The following XIST variants were observed in gnomAD, a reference collection of about 807,000 sequenced individuals.
The protein encoded by XIST is X inactive specific transcript (non-protein coding).
chrX:73,852,514 TA>T (rs1297714272), exon 1 of XIST: 1 of 538,991 alleles, frequency 1.9e-6, no homozygotes, highest in Non-Finnish European at 3.3e-6. Context: ...ATACTTTCTT[TA>T]AAAAAATATG....
intron 5 of XIST, chrX:73,828,259 G>T (rs1297366892): frequency 3.6e-6 from 1 of 280,088 alleles, no homozygotes; most frequent in Non-Finnish European, 6.2e-6. Flanking sequence ...TGCCAACTCT[G>T]CCTGCTACCT....
At chrX:73,841,687 T>TA (rs1480487424) in exon 1 of XIST, 2 of 524,675 alleles carry the variant, frequency 3.8e-6, no homozygotes, top group South Asian at 4.8e-5. Flanking sequence ...ATTTTTCTTA[T>TA]AAAATAGGGA....
chrX:73,842,137 C>T (rs867444479), exon 1 of XIST: 8 of 518,434 alleles, frequency 1.5e-5, no homozygotes, highest in South Asian at 9.9e-5. Context: ...ACCAGGTTAT[C>T]GAGTCCACCC....
exon 1 of XIST, chrX:73,852,400 A>G: frequency 1.8e-6 from 1 of 548,084 alleles, no homozygotes; most frequent in South Asian, 2.4e-5. Flanking sequence ...TAGAAAAGAG[A>G]GTGGAAGAGT....
chrX:73,829,278 G>A, intron 4 of XIST: 1 of 528,338 alleles, frequency 1.9e-6, no homozygotes, highest in Non-Finnish European at 3.4e-6. Context: ...TAAATATTGA[G>A]TACTGTGCTA....
chrX:73,821,550 A>G (rs1473835136), exon 6 of XIST: 4 of 557,028 alleles, frequency 7.2e-6, no homozygotes, highest in Non-Finnish European at 1.3e-5. Flanking sequence ...CCTCATCTCA[A>G]CAATGATCAG....
chrX:73,838,358 C>T (rs1479267418), intron 1 of XIST, among the ~76,000 whole-genome samples: 2 of 110,657 alleles, frequency 1.8e-5, no homozygotes, highest in Non-Finnish European at 3.8e-5. Context: ...ACTGCATAAC[C>T]TCTCATGTTT....
chrX:73,844,776 G>A (rs1922691133), exon 1 of XIST: 1 of 556,555 alleles, frequency 1.8e-6, no homozygotes, highest in Non-Finnish European at 3.2e-6. Flanking sequence ...GGGTCTGAGA[G>A]TAAGGCCTTA....
intron 2 of XIST, among the ~76,000 whole-genome samples, chrX:73,836,993 A>C: frequency 8.9e-6 from 1 of 111,845 alleles, no homozygotes; most frequent in East Asian, 2.8e-4. Flanking sequence ...CTGAATAAAC[A>C]CAATACATTG....
chrX:73,832,164 G>A (rs774086914), intron 3 of XIST, among the ~76,000 whole-genome samples: 11 of 111,218 alleles, frequency 9.9e-5, no homozygotes, highest in South Asian at 3.8e-4. Flanking sequence ...GAGAAACCCC[G>A]TCTCTACTAA....
exon 6 of XIST, chrX:73,825,857 A>G: frequency 1.8e-6 from 1 of 557,619 alleles, no homozygotes; most frequent in Non-Finnish European, 3.2e-6. Flanking sequence ...CAGTCATTTA[A>G]ATCAACTTCC....
chrX:73,823,378 G>A (rs1367126772), exon 6 of XIST: 6 of 503,902 alleles, frequency 1.2e-5, no homozygotes, highest in East Asian at 7.3e-5. Context: ...TTTAATTTAC[G>A]AAACATAGTA....
intron 5 of XIST, chrX:73,828,829 A>G (rs1011303355): frequency 6.4e-6 from 2 of 311,139 alleles, no homozygotes; most frequent in African/African-American, 5.2e-5. Context: ...CAGTGAAGAC[A>G]TAGAACACAC....
In XIST at chrX:73,844,754, G is replaced by A. The variant is rs369854074; in HGVS notation, n.7970C>T. On this transcript the variant is annotated non_coding_transcript_exon_variant, in exon 1 of 6. Transcript: ENST00000429829. Reference sequence around the variant, plus strand: ...GGCCTTGGTTATCAGCACCCCTGCTGTACTGCAAAAGGGGTCTGAGAGTAA... The same window carrying A: ...GGCCTTGGTTATCAGCACCCCTGCTATACTGCAAAAGGGGTCTGAGAGTAA... 26 of 556,342 alleles carry A rather than the reference G, an allele frequency of 4.7e-5. No homozygotes were observed. The East Asian group carries it at 6.8e-4, about 15-fold the overall frequency. The allele number at this position is 556,342 out of a possible 1,213,427, so 45.8% of individuals were successfully genotyped here. A position where few individuals can be genotyped will look rare whatever the true frequency, so the allele number is the denominator to read the frequency against.
chrX:73,850,207 G>C, exon 1 of XIST: 1 of 550,698 alleles, frequency 1.8e-6, no homozygotes, highest in Non-Finnish European at 3.3e-6. Context: ...AAATAGTTAA[G>C]TCAATTTCAA....
At chrX:73,831,064 A>G (rs781005012) in intron 4 of XIST, 1 of 557,658 alleles carries the variant, frequency 1.8e-6, no homozygotes, top group Admixed American at 2.2e-5. Context: ...CAGCTTACGC[A>G]CCTTGACGTG....
At chrX:73,821,820 A>C (rs771317574) in exon 6 of XIST, 1 of 529,750 alleles carries the variant, frequency 1.9e-6, no homozygotes, top group Non-Finnish European at 3.4e-6. Context: ...CTTAAAACTT[A>C]AGCATGGTAA....
At chrX:73,843,523 A>G (rs767588470) in exon 1 of XIST, 2 of 557,370 alleles carry the variant, frequency 3.6e-6, no homozygotes, top group Non-Finnish European at 6.5e-6. Context: ...GGGTTCATTC[A>G]TAATTAACAT....
exon 1 of XIST, chrX:73,845,000 G>A (rs777109392): frequency 4.3e-5 from 23 of 537,935 alleles, no homozygotes; most frequent in African/African-American, 3.6e-4. Flanking sequence ...AATCACATAC[G>A]TTAACAGGCC....
Sources: allele counts gnomAD v4.1 joint callset (sites outside exome capture counted in the v4.1 genomes callset), GRCh38; gene constraint gnomAD v4.1.1; transcripts MANE v1.5; gene names NCBI Gene and HGNC (gene_info 2026-07-23, HGNC 2026-07-21).